ITGBL1: variants seen among roughly 807,000 people sequenced by gnomAD.
The protein encoded by ITGBL1 is integrin subunit beta like 1.
In ITGBL1, 51 loss-of-function variants were observed where a neutral mutation model predicts 68.5. That is an observed-to-expected ratio of 0.74 (90% CI 0.59 to 0.94). The LOEUF is 0.94. Among genes scored for constraint, ITGBL1 ranks in the 40% least tolerant of loss-of-function variants. The probability of loss-of-function intolerance (pLI) is 0.00; values close to 1 mark genes in which losing one functional copy is unlikely to be tolerated. For synonymous variants in ITGBL1, 209 were observed against 227.3 expected, an observed-to-expected ratio of 0.92 and a Z score of 0.72; for missense variants, 649 against 647.4, an observed-to-expected ratio of 1.00 and a Z score of -0.03.
intron 2 of ITGBL1, among the ~76,000 whole-genome samples, chr13:101,492,955 C>T (rs929168974): frequency 6.6e-6 from 1 of 152,130 alleles, no homozygotes; most frequent in African/African-American, 2.4e-5. Flanking sequence ...GGATAAAATG[C>T]GTTTATGAAG....
chr13:101,545,803 G>A (rs993634739), intron 2 of ITGBL1, among the ~76,000 whole-genome samples: 4 of 152,188 alleles, frequency 2.6e-5, no homozygotes, highest in Non-Finnish European at 5.9e-5. Context: ...AAGGGAGAAG[G>A]CAGAGCAAAG....
chr13:101,638,887 C>T (rs913357680), intron 7 of ITGBL1, among the ~76,000 whole-genome samples: 2 of 152,074 alleles, frequency 1.3e-5, no homozygotes, highest in Non-Finnish European at 2.9e-5. Flanking sequence ...ATTTTGAGTA[C>T]AAATAAATTT....
intron 2 of ITGBL1, among the ~76,000 whole-genome samples, chr13:101,560,625 T>C (rs2050084142): frequency 6.6e-6 from 1 of 152,326 alleles, no homozygotes; most frequent in South Asian, 2.1e-4. Context: ...TTAAATAATT[T>C]ATATATGAAC....
At chr13:101,642,133 G>A (rs1254318884) in intron 7 of ITGBL1, among the ~76,000 whole-genome samples, 3 of 151,420 alleles carry the variant, frequency 2.0e-5, no homozygotes, top group South Asian at 2.1e-4. Flanking sequence ...CTGAGGAATC[G>A]CCACACTGAC....
At chr13:101,479,687 C>T (rs2139035159) in intron 2 of ITGBL1, among the ~76,000 whole-genome samples, 1 of 151,992 alleles carries the variant, frequency 6.6e-6, no homozygotes, top group Non-Finnish European at 1.5e-5. Flanking sequence ...ATACAAATAG[C>T]AAACAGGCAT....
chr13:101,647,352 A>G (rs1206719484), intron 7 of ITGBL1, among the ~76,000 whole-genome samples: 1 of 152,250 alleles, frequency 6.6e-6, no homozygotes, highest in Non-Finnish European at 1.5e-5. Context: ...TTATAATACA[A>G]GATTTTTATT....
At chr13:101,522,565 AAGGG>A (rs2049303721) in intron 2 of ITGBL1, among the ~76,000 whole-genome samples, 1 of 152,156 alleles carries the variant, frequency 6.6e-6, no homozygotes, top group Admixed American at 6.5e-5. Flanking sequence ...AGATTAGGAG[AAGGG>A]AGACTTATCA....
intron 7 of ITGBL1, among the ~76,000 whole-genome samples, chr13:101,605,944 GTATATATACACATATACA>G: frequency 6.8e-6 from 1 of 146,200 alleles, no homozygotes; most frequent in East Asian, 2.0e-4. Flanking sequence ...GCGTGTATGT[GTATATATACACATATACA>G]CATATATATG....
At chr13:101,672,636 T>C (rs2139507721) in intron 7 of ITGBL1, among the ~76,000 whole-genome samples, 1 of 152,300 alleles carries the variant, frequency 6.6e-6, no homozygotes, top group South Asian at 2.1e-4. Flanking sequence ...GGGCCCTACA[T>C]AAATCAGACA....
intron 2 of ITGBL1, among the ~76,000 whole-genome samples, chr13:101,475,760 G>T (rs4559786): frequency 2.7e-5 from 4 of 149,276 alleles, no homozygotes; most frequent in Non-Finnish European, 4.4e-5. Context: ...AGGCCAAAAG[G>T]GACTGGTGCA....
intron 2 of ITGBL1, among the ~76,000 whole-genome samples, chr13:101,465,507 T>C (rs1428258190): frequency 6.6e-6 from 1 of 152,248 alleles, no homozygotes; most frequent in Non-Finnish European, 1.5e-5. Context: ...ACTGTGAATT[T>C]TGTAGTCACA....
At chr13:101,685,358 A>AT (rs2033730938) in intron 7 of ITGBL1, among the ~76,000 whole-genome samples, 1 of 151,988 alleles carries the variant, frequency 6.6e-6, no homozygotes, top group African/African-American at 2.4e-5. Flanking sequence ...GCACATAAAA[A>AT]TTTTTTCATT....
chr13:101,524,769 T>C (rs1369830181), intron 2 of ITGBL1, among the ~76,000 whole-genome samples: 3 of 151,946 alleles, frequency 2.0e-5, no homozygotes, highest in African/African-American at 4.8e-5. Context: ...GGGAAAGATA[T>C]TGGTGGTCAT....
chr13:101,622,402 TTCTC>T (rs2031618794), intron 7 of ITGBL1, among the ~76,000 whole-genome samples: 1 of 152,214 alleles, frequency 6.6e-6, no homozygotes, highest in African/African-American at 2.4e-5. Flanking sequence ...GCTTTTGCCC[TTCTC>T]TCTGTCTAGA....
At chr13:101,663,784 T>G (rs1372123946) in intron 7 of ITGBL1, among the ~76,000 whole-genome samples, 1 of 152,172 alleles carries the variant, frequency 6.6e-6, no homozygotes, top group Admixed American at 6.5e-5. Flanking sequence ...TTACTACTAA[T>G]GTAAAATAAA....
intron 2 of ITGBL1, among the ~76,000 whole-genome samples, chr13:101,546,661 ATATATTAAGAATGAAAC>A (rs1331014309): frequency 6.6e-6 from 1 of 152,094 alleles, no homozygotes; most frequent in Admixed American, 6.6e-5. Context: ...AAATTGGTAA[ATATATTAAGAATGAAAC>A]TGTATACATT....
chr13:101,683,508 T>C (rs2033688676), intron 7 of ITGBL1, among the ~76,000 whole-genome samples: 1 of 152,026 alleles, frequency 6.6e-6, no homozygotes, highest in African/African-American at 2.4e-5. Context: ...TCCTTTGAAG[T>C]TGCTAAGAAT....
At chr13:101,546,622 A>T (rs2049829451) in intron 2 of ITGBL1, among the ~76,000 whole-genome samples, 1 of 152,128 alleles carries the variant, frequency 6.6e-6, no homozygotes, top group Admixed American at 6.6e-5. Context: ...AAAGCAACAG[A>T]CAAACCTAAC....
chr13:101,579,374 G>C lies in ITGBL1; in HGVS notation c.674G>C (p.Trp225Ser), dbSNP rs746230323. The change falls in exon 5 of 11, where the codon TGG becomes TCG. Residue 225 changes from tryptophan to serine, a missense_variant. Coordinates refer to ENST00000376180, the MANE Select transcript of ITGBL1 (RefSeq NM_004791.3). ...KCEFQCDITP[W>S]ESKRRCTSPD... The stretch of plus-strand genomic sequence containing the variant: ...GAATTCCAGTGCGATATCACCCCCT[G>C]GGAAAGCAAGCGAAGATGCACGTCT... 6.2e-7 allele frequency: 1 copy of C among 1,613,880 alleles called. No homozygotes were observed. The highest frequency in any genetic ancestry group is 2.2e-5 in the East Asian group (1 of 44,844).
Sources: gnomAD v4.1 joint callset for allele counts (sites outside exome capture counted in the v4.1 genomes callset) on GRCh38, gnomAD v4.1.1 for gene constraint, MANE v1.5 for transcripts, NCBI Gene and HGNC (gene_info 2026-07-23, HGNC 2026-07-21) for gene names.